WDR35: variants seen among roughly 807,000 people sequenced by gnomAD.
WDR35 encodes the protein WD repeat domain 35, also known as WD repeat-containing protein 35.
WDR35 carries 118 observed loss-of-function variants against 158.3 expected under a neutral mutation model. That is an observed-to-expected ratio of 0.75 (90% confidence interval 0.64 to 0.87). WDR35 has a LOEUF of 0.87. WDR35 is among the 40% of genes least tolerant of loss of function. The pLI is 0.00. For synonymous variants in WDR35, 448 were observed against 476.1 expected (o/e 0.94, Z 0.77); for missense variants, 1,263 against 1,405.8 (o/e 0.90, Z 1.62).
Position 19,957,346 on chromosome 2 carries a change from T to G in WDR35, c.1255+3208A>C, listed in dbSNP as rs977254200. On this transcript the variant is annotated intron_variant, in intron 11 of 26. Coordinates refer to ENST00000281405, the MANE Select transcript of WDR35 (RefSeq NM_020779.4). ...AGGTGGTAATTTCAGCAAATTCATA[T>G]GGGTAGATAATCCTATCTATACATA... 2.0e-5 allele frequency among the ~76,000 whole-genome samples: 3 copies of G among 152,280 alleles called. No homozygotes were observed. In the East Asian group the frequency reaches 5.8e-4, roughly 29 times the overall value.
intron 25 of WDR35, 117 bp downstream of exon 25, chr2:19,930,279 T>C: frequency 1.4e-6 from 2 of 1,478,712 alleles, no homozygotes; most frequent in Non-Finnish European, 1.9e-6. Flanking sequence ...CATAGGAAAA[T>C]AAATCCATAG....
At chr2:19,969,888 C>T (rs1358502328) in intron 8 of WDR35, among the ~76,000 whole-genome samples, 1 of 151,948 alleles carries the variant, frequency 6.6e-6, no homozygotes, top group Non-Finnish European at 1.5e-5. Context: ...GCTGGGACTA[C>T]AGGCGCCCGC....
rs1035037396 is a variant in WDR35 at position 19,986,037 on chromosome 2, A to G, written c.142+3128T>C. Reference sequence around the variant, plus strand: ...GTGAGGGATGATGGTAGCTGGAGCTATAGAGGGAGCAGGGGAGACAAAGGA... The same window carrying G: ...GTGAGGGATGATGGTAGCTGGAGCTGTAGAGGGAGCAGGGGAGACAAAGGA... On this transcript the variant is annotated intron_variant, in intron 2 of 26. Transcript: ENST00000281405. 2.6e-5 allele frequency among the ~76,000 whole-genome samples: 4 copies of G among 152,246 alleles called. No individual in the cohort carries two copies. In the East Asian group the frequency reaches 7.7e-4, roughly 29 times the overall value.
At chr2:19,970,803 T>A (rs1672014905) in intron 8 of WDR35, among the ~76,000 whole-genome samples, 1 of 152,102 alleles carries the variant, frequency 6.6e-6, no homozygotes, top group Non-Finnish European at 1.5e-5. Context: ...TCCTTACTGG[T>A]CCTTGTCCTC....
At chr2:19,938,092 T>C in intron 18 of WDR35, 146 bp from the exon 19 acceptor site, 1 of 1,375,916 alleles carries the variant, frequency 7.3e-7, no homozygotes, top group Non-Finnish European at 1.0e-6. Context: ...TTTCAAATAA[T>C]TTTCTGCTTA....
intron 5 of WDR35, among the ~76,000 whole-genome samples, 192 bp from the exon 6 acceptor site, chr2:19,975,855 A>G (rs1027120555): frequency 6.6e-6 from 1 of 152,184 alleles, no homozygotes; most frequent in African/African-American, 2.4e-5. Flanking sequence ...AGCTGTTTCA[A>G]CCTTTCTCCC....
chr2:19,946,311 C>T (rs892268978), intron 15 of WDR35, 150 bp downstream of exon 15: 41 of 760,858 alleles, frequency 5.4e-5, no homozygotes, highest in Non-Finnish European at 8.2e-5. Flanking sequence ...AACATTTAAA[C>T]CAAATGCAGT....
chr2:19,986,844 G>A (rs1228579974), intron 2 of WDR35, among the ~76,000 whole-genome samples: 2 of 152,138 alleles, frequency 1.3e-5, no homozygotes, highest in Admixed American at 6.5e-5. Flanking sequence ...TTTCTGGAGG[G>A]TAATTTGTGT....
At chr2:19,940,210 A>T (rs1257167957) in intron 17 of WDR35, among the ~76,000 whole-genome samples, 1 of 140,328 alleles carries the variant, frequency 7.1e-6, no homozygotes, top group East Asian at 2.3e-4. Flanking sequence ...AAAAAAAAAC[A>T]CAAAAAATTA....
chr2:19,938,034 T>A, intron 18 of WDR35, 88 bp from the exon 19 acceptor site: 1 of 1,487,826 alleles, frequency 6.7e-7, no homozygotes, highest in East Asian at 2.3e-5. Context: ...ATCATTTATG[T>A]CTATTATTTC....
chr2:19,969,637 A>G (rs772776397), intron 8 of WDR35, 32 bp from the exon 9 acceptor site: 2 of 1,607,148 alleles, frequency 1.2e-6, no homozygotes, highest in Non-Finnish European at 8.5e-7. Context: ...AACCTAAAGT[A>G]TAACAATTAA....
Position 19,980,727 on chromosome 2 carries a change from C to T in WDR35, c.271G>A (p.Glu91Lys). 6 of 1,613,754 alleles carry T rather than the reference C, an allele frequency of 3.7e-6. No individual in the cohort carries two copies. The highest frequency in any genetic ancestry group is 1.7e-4 in the Middle Eastern group (1 of 6,056). ...ATCCACACAATGATAAGCCCGTTTTCATCACTGGTAGTCAACTTCTGATAC... is the reference window on the plus strand; with the variant it reads ...ATCCACACAATGATAAGCCCGTTTTTATCACTGGTAGTCAACTTCTGATAC... ...EQYQKLTTSDENGLIIVWMLY... is the reference protein window; with the variant it reads ...EQYQKLTTSDKNGLIIVWMLY... Residue 91 changes from glutamate (E) to lysine (K), a missense_variant, in exon 4 of 27, where the codon GAA (glutamate) becomes AAA (lysine). Coordinates refer to ENST00000281405, the MANE Select transcript of WDR35 (RefSeq NM_020779.4).
At chr2:19,969,709 G>T in intron 8 of WDR35, 104 bp from the exon 9 acceptor site, 11 of 1,228,916 alleles carry the variant, frequency 9.0e-6, no homozygotes, top group East Asian at 5.2e-5. Flanking sequence ...ACATTATTTT[G>T]TGAAAAGTTA....
chr2:19,964,859 A>G (rs1312664260), intron 10 of WDR35, among the ~76,000 whole-genome samples: 2 of 151,960 alleles, frequency 1.3e-5, no homozygotes, highest in African/African-American at 4.8e-5. Context: ...CTTCTATAGT[A>G]TCCTTTTCTT....
At chr2:19,983,658 T>A (rs1321492668) in intron 2 of WDR35, among the ~76,000 whole-genome samples, 1 of 152,202 alleles carries the variant, frequency 6.6e-6, no homozygotes, top group African/African-American at 2.4e-5. Context: ...TACTTTCAGA[T>A]AACAAGTATC....
intron 9 of WDR35, among the ~76,000 whole-genome samples, chr2:19,968,419 T>C (rs1671928278): frequency 6.6e-6 from 1 of 152,248 alleles, no homozygotes; most frequent in South Asian, 2.1e-4. Flanking sequence ...GTAAGGAAGA[T>C]CTGTTTCTCC....
chr2:19,958,207 T>C (rs1448064888), intron 11 of WDR35, among the ~76,000 whole-genome samples: 1 of 152,212 alleles, frequency 6.6e-6, no homozygotes, highest in African/African-American at 2.4e-5. Context: ...CCCACTAAAA[T>C]GGCTGCAGCA....
Position 19,910,758 on chromosome 2 carries a change from T to C in WDR35, c.*2800A>G, listed in dbSNP as rs1274827650. ...TGTTGTTATCTGGAAATTTCCTTCA[T>C]GTCGAATAAAACCAACTAGATTGAC... On this transcript the variant is annotated 3_prime_UTR_variant, in exon 27 of 27. Transcript: ENST00000281405. The C allele has an allele frequency of 2.6e-5, 4 of 152,198 alleles. No homozygotes were observed. The highest frequency in any genetic ancestry group is 5.9e-5 in the Non-Finnish European group (4 of 68,044). The allele number at this position is 152,198 out of a possible 1,614,324, so 9.4% of individuals were successfully genotyped here. A position where few individuals can be genotyped will look rare whatever the true frequency, so the allele number is the denominator to read the frequency against.
chr2:19,988,480 C>A (rs565085898), intron 2 of WDR35, among the ~76,000 whole-genome samples: 17 of 152,186 alleles, frequency 1.1e-4, no homozygotes, highest in Middle Eastern at 6.8e-3. Flanking sequence ...GTAAGGAATC[C>A]AAAAATGTAA....
Sources: gnomAD v4.1 joint callset for allele counts (sites outside exome capture counted in the v4.1 genomes callset) on GRCh38, gnomAD v4.1.1 for gene constraint, MANE v1.5 for transcripts, NCBI Gene and HGNC (gene_info 2026-07-23, HGNC 2026-07-21) for gene names.